INPP4B: variants seen among roughly 807,000 people sequenced by gnomAD.
The protein encoded by INPP4B is inositol polyphosphate-4-phosphatase type II B, also known as inositol polyphosphate 4-phosphatase type II.
Under a neutral mutation model 122.5 loss-of-function variants are expected in INPP4B, and 55 were observed. The observed-to-expected ratio is 0.45, with a 90% confidence interval of 0.36 to 0.56. The LOEUF is 0.56. Among genes scored for constraint, INPP4B ranks in the 20% least tolerant of loss-of-function variants. INPP4B has a pLI of 0.00. For missense variants in INPP4B, 1,000 were observed against 1,097.7 expected, an observed-to-expected ratio of 0.91 and a Z score of 1.26; for synonymous variants, 403 against 388.7, an observed-to-expected ratio of 1.04 and a Z score of -0.43.
intron 1 of INPP4B, among the ~76,000 whole-genome samples, chr4:142,730,187 T>A (rs1303264767): frequency 6.6e-6 from 1 of 152,174 alleles, no homozygotes; most frequent in Non-Finnish European, 1.5e-5. Context: ...ACCCAGTTCT[T>A]ACACTCCCAC....
At chr4:142,534,325 G>A (rs1482248782) in intron 2 of INPP4B, among the ~76,000 whole-genome samples, 1 of 152,140 alleles carries the variant, frequency 6.6e-6, no homozygotes, top group Non-Finnish European at 1.5e-5. Context: ...CAGTGCAACA[G>A]TATTAAGAGA....
intron 9 of INPP4B, among the ~76,000 whole-genome samples, chr4:142,283,554 T>C (rs888263950): frequency 6.6e-6 from 1 of 152,160 alleles, no homozygotes; most frequent in Non-Finnish European, 1.5e-5. Flanking sequence ...TCACCTAGGC[T>C]ATATGGGATA....
At chr4:142,354,549 A>T (rs190158778) in intron 7 of INPP4B, among the ~76,000 whole-genome samples, 494 of 152,128 alleles carry the variant, frequency 3.2e-3, no homozygotes, top group Non-Finnish European at 5.9e-3. Flanking sequence ...AAATAGAATC[A>T]TTAGTTCCAA....
intron 1 of INPP4B, among the ~76,000 whole-genome samples, chr4:142,810,169 C>CAAA (rs201292060): frequency 0.04 from 4,123 of 103,732 alleles, 101 homozygotes; most frequent in Middle Eastern, 0.12. Context: ...GACTCCATCT[C>CAAA]AAAAAAAAAA....
chr4:142,273,025 T>C (rs1031891166), intron 9 of INPP4B, among the ~76,000 whole-genome samples: 1 of 152,024 alleles, frequency 6.6e-6, no homozygotes, highest in African/African-American at 2.4e-5. Context: ...AAACCGTATA[T>C]GTCATATTGG....
intron 2 of INPP4B, among the ~76,000 whole-genome samples, chr4:142,701,614 AT>A (rs1329985957): frequency 6.6e-6 from 1 of 152,140 alleles, no homozygotes; most frequent in Non-Finnish European, 1.5e-5. Flanking sequence ...AAATTGTAGA[AT>A]TTTTTGTTAA....
At chr4:142,676,186 C>A (rs1757739747) in intron 2 of INPP4B, among the ~76,000 whole-genome samples, 1 of 152,160 alleles carries the variant, frequency 6.6e-6, no homozygotes, top group Admixed American at 6.6e-5. Flanking sequence ...AAATCACAAG[C>A]ATTCCTATAC....
chr4:142,154,332 TTAAA>T (rs1400213455), intron 17 of INPP4B, among the ~76,000 whole-genome samples: 2 of 152,178 alleles, frequency 1.3e-5, no homozygotes, highest in African/African-American at 4.8e-5. Flanking sequence ...ACATTAATAA[TTAAA>T]TAAAGTTGCC....
chr4:142,762,103 C>G lies in INPP4B; in HGVS notation c.-253-36202G>C, dbSNP rs183007834. On this transcript the variant is annotated intron_variant, in intron 1 of 25. Transcript: ENST00000262992. ...GTTGTCTGTCATGTTATGCCAAATG[C>G]CCACACACCAGGCTTTTTCTCGTTT... Among the ~76,000 whole-genome samples the G allele has an allele frequency of 1.1e-4, 16 of 152,166 alleles. No individual in the cohort carries two copies. In the East Asian group the frequency reaches 1.2e-3, roughly 11 times the overall value.
chr4:142,391,388 A>G (rs1039072061), intron 7 of INPP4B, among the ~76,000 whole-genome samples: 9 of 151,952 alleles, frequency 5.9e-5, no homozygotes, highest in Non-Finnish European at 1.3e-4. Context: ...CAAAAACCCA[A>G]CTCTACTAAA....
At chr4:142,320,643 C>T (rs1193911729) in intron 7 of INPP4B, among the ~76,000 whole-genome samples, 1 of 152,146 alleles carries the variant, frequency 6.6e-6, no homozygotes, top group Non-Finnish European at 1.5e-5. Flanking sequence ...TTTAATCCCT[C>T]ACCCCACTCC....
chr4:142,051,972 A>G (rs1754852505), intron 25 of INPP4B, among the ~76,000 whole-genome samples: 1 of 152,040 alleles, frequency 6.6e-6, no homozygotes, highest in Non-Finnish European at 1.5e-5. Context: ...CCTTATAGTT[A>G]TAAGTAAAGG....
At chr4:142,114,597 T>C (rs995262491) in intron 21 of INPP4B, among the ~76,000 whole-genome samples, 2 of 152,108 alleles carry the variant, frequency 1.3e-5, no homozygotes, top group Non-Finnish European at 2.9e-5. Context: ...TTTTTGCCCA[T>C]ATTTAAATTA....
chr4:142,526,294 A>G (rs1008945772), intron 2 of INPP4B, among the ~76,000 whole-genome samples: 1 of 152,056 alleles, frequency 6.6e-6, no homozygotes, highest in African/African-American at 2.4e-5. Flanking sequence ...AAAGTGCACA[A>G]AGAGTAGAGC....
At chr4:142,316,138 C>T (rs1380591300) in intron 7 of INPP4B, among the ~76,000 whole-genome samples, 1 of 152,148 alleles carries the variant, frequency 6.6e-6, no homozygotes, top group Non-Finnish European at 1.5e-5. Flanking sequence ...ATCGCTTGCA[C>T]AATTTGTCAG....
intron 9 of INPP4B, among the ~76,000 whole-genome samples, chr4:142,285,754 C>T (rs544015815): frequency 5.3e-5 from 8 of 151,956 alleles, no homozygotes; most frequent in South Asian, 2.1e-4. Flanking sequence ...AAGGATGATC[C>T]GCCATGCAGA....
chr4:142,602,959 T>A (rs902321332), intron 2 of INPP4B, among the ~76,000 whole-genome samples: 1 of 152,052 alleles, frequency 6.6e-6, no homozygotes, highest in Non-Finnish European at 1.5e-5. Flanking sequence ...TGAATCGACC[T>A]AAAAGCCCAT....
intron 2 of INPP4B, among the ~76,000 whole-genome samples, chr4:142,634,994 G>A (rs550611696): frequency 7.9e-5 from 12 of 151,862 alleles, no homozygotes; most frequent in African/African-American, 2.2e-4. Context: ...CATCTATAAC[G>A]AACTTAAAAA....
At chr4:142,268,380 G>A (rs1744061344) in intron 10 of INPP4B, among the ~76,000 whole-genome samples, 1 of 141,934 alleles carries the variant, frequency 7.0e-6, no homozygotes, top group Admixed American at 7.6e-5. Context: ...TGTAGAGGGT[G>A]TAAACTAAAG....
Sources: gnomAD v4.1 joint callset for allele counts (sites outside exome capture counted in the v4.1 genomes callset) on GRCh38, gnomAD v4.1.1 for gene constraint, MANE v1.5 for transcripts, NCBI Gene and HGNC (gene_info 2026-07-23, HGNC 2026-07-21) for gene names.